NEDD4L: variants seen among roughly 807,000 people sequenced by gnomAD.
The protein encoded by NEDD4L is NEDD4 like E3 ubiquitin protein ligase.
Under a neutral mutation model 148.9 loss-of-function variants are expected in NEDD4L, and 54 were observed. The observed-to-expected ratio is 0.36, with a 90% confidence interval of 0.29 to 0.45. NEDD4L has a LOEUF of 0.45. NEDD4L is among the 20% of genes least tolerant of loss of function. NEDD4L has a pLI of 1.00. For synonymous variants in NEDD4L, 433 were observed against 440.7 expected, an observed-to-expected ratio of 0.98 and a Z score of 0.22; for missense variants, 856 against 1,233.8, an observed-to-expected ratio of 0.69 and a Z score of 4.59.
intron 5 of NEDD4L, among the ~76,000 whole-genome samples, chr18:58,267,615 A>T (rs917816487): frequency 1.3e-5 from 2 of 151,950 alleles, no homozygotes; most frequent in Non-Finnish European, 2.9e-5. Context: ...TCTCCCCCTT[A>T]GTACTTAGCC....
intron 5 of NEDD4L, among the ~76,000 whole-genome samples, chr18:58,313,838 C>T (rs992167086): frequency 2.0e-5 from 3 of 152,226 alleles, no homozygotes; most frequent in Non-Finnish European, 4.4e-5. Flanking sequence ...CAAAACAACA[C>T]GGGCATATAG....
At chr18:58,262,502 G>A (rs1434457339) in intron 5 of NEDD4L, among the ~76,000 whole-genome samples, 3 of 152,068 alleles carry the variant, frequency 2.0e-5, no homozygotes, top group Non-Finnish European at 4.4e-5. Context: ...GGTGGCCTCT[G>A]TCTGTAGTCC....
At chr18:58,067,585 G>A (rs2082665410) in intron 1 of NEDD4L, among the ~76,000 whole-genome samples, 1 of 152,176 alleles carries the variant, frequency 6.6e-6, no homozygotes. Flanking sequence ...ATGGAATTGG[G>A]TCTCAAAACT....
intron 6 of NEDD4L, among the ~76,000 whole-genome samples, chr18:58,318,184 A>G (rs903542440): frequency 3.3e-5 from 5 of 152,332 alleles, no homozygotes; most frequent in African/African-American, 1.2e-4. Flanking sequence ...TGTGTTCTTG[A>G]TTAGTATATG....
intron 5 of NEDD4L, among the ~76,000 whole-genome samples, chr18:58,283,100 G>C (rs1166374715): frequency 6.6e-6 from 1 of 151,740 alleles, no homozygotes; most frequent in East Asian, 1.9e-4. Context: ...TTTAGAGACT[G>C]TGTCTCGCTC....
At chr18:58,304,857 T>C in intron 5 of NEDD4L, among the ~76,000 whole-genome samples, 1 of 152,228 alleles carries the variant, frequency 6.6e-6, no homozygotes, top group South Asian at 2.1e-4. Context: ...TTGAGGTCCC[T>C]CCTAAAGATC....
intron 2 of NEDD4L, among the ~76,000 whole-genome samples, chr18:58,216,671 G>A (rs1184182815): frequency 2.6e-5 from 4 of 152,160 alleles, no homozygotes; most frequent in Admixed American, 6.5e-5. Flanking sequence ...GGACAGATGC[G>A]CTGGGGAGCA....
chr18:58,089,015 C>G (rs1384572547), intron 1 of NEDD4L, among the ~76,000 whole-genome samples: 2 of 152,070 alleles, frequency 1.3e-5, no homozygotes, highest in African/African-American at 4.8e-5. Context: ...AGCTTCCAAC[C>G]TGGTCGTAAG....
intron 1 of NEDD4L, chr18:58,045,367 G>C (rs1435780320): frequency 5.2e-6 from 2 of 385,418 alleles, no homozygotes; most frequent in South Asian, 2.9e-4. Flanking sequence ...TTGCAGCCCT[G>C]CCATTTTTTC....
intron 21 of NEDD4L, chr18:58,367,060 T>A (rs1467970515): frequency 2.0e-5 from 3 of 152,294 alleles, no homozygotes; most frequent in South Asian, 4.1e-4. Context: ...ATCCAACTAT[T>A]GAAGGTGGAG....
At chr18:58,164,410 G>T (rs920081402) in intron 1 of NEDD4L, among the ~76,000 whole-genome samples, 2 of 152,172 alleles carry the variant, frequency 1.3e-5, no homozygotes, top group Admixed American at 6.5e-5. Flanking sequence ...AAAAACTGTT[G>T]TACTTTAGAA....
intron 1 of NEDD4L, among the ~76,000 whole-genome samples, chr18:58,093,814 A>G (rs188158496): frequency 6.6e-6 from 1 of 152,350 alleles, no homozygotes; most frequent in East Asian, 1.9e-4. Flanking sequence ...GAAGAATGAT[A>G]TAGAACATCT....
intron 5 of NEDD4L, among the ~76,000 whole-genome samples, chr18:58,305,012 A>G (rs754669861): frequency 1.3e-5 from 2 of 152,166 alleles, no homozygotes; most frequent in Non-Finnish European, 2.9e-5. Context: ...TCCCAGCCCT[A>G]TCAGGCCAGA....
chr18:58,372,536 G>C (rs1208733142), intron 23 of NEDD4L: 1 of 151,908 alleles, frequency 6.6e-6, no homozygotes, highest in Non-Finnish European at 1.5e-5. Flanking sequence ...TCTAACTCCT[G>C]GGCTCAAGTG....
At chr18:58,351,958 G>A (rs1016726920) in intron 18 of NEDD4L, among the ~76,000 whole-genome samples, 1 of 152,192 alleles carries the variant, frequency 6.6e-6, no homozygotes, top group African/African-American at 2.4e-5. Context: ...TATCTCATAG[G>A]CATAGTACGT....
chr18:58,246,383 A>G (rs1016733797), intron 3 of NEDD4L, among the ~76,000 whole-genome samples: 16 of 152,198 alleles, frequency 1.1e-4, no homozygotes, highest in Non-Finnish European at 2.9e-5. Context: ...AAAGCTATAC[A>G]TGTATGTATA....
chr18:58,291,900 AT>A (rs1265074812), intron 5 of NEDD4L, among the ~76,000 whole-genome samples: 2 of 151,920 alleles, frequency 1.3e-5, no homozygotes, highest in Non-Finnish European at 2.9e-5. Context: ...CTTCCCAAAC[AT>A]TTATGCTCAT....
intron 2 of NEDD4L, among the ~76,000 whole-genome samples, chr18:58,231,237 C>CAAAAAAAAAAAAAAAAAAA (rs67220469): frequency 1.1e-5 from 1 of 90,184 alleles, no homozygotes; most frequent in African/African-American, 4.0e-5. Flanking sequence ...GACCCTATCT[C>CAAAAAAAAAAAAAAAAAAA]AAAAAAAAAA....
chr18:58,133,923 A>G (rs1193594805), intron 1 of NEDD4L, among the ~76,000 whole-genome samples: 1 of 152,236 alleles, frequency 6.6e-6, no homozygotes, highest in Non-Finnish European at 1.5e-5. Flanking sequence ...TCTAGGAGAT[A>G]GACGTTACTT....
Sources: allele counts gnomAD v4.1 joint callset (sites outside exome capture counted in the v4.1 genomes callset), GRCh38; gene constraint gnomAD v4.1.1; transcripts MANE v1.5; gene names NCBI Gene and HGNC (gene_info 2026-07-23, HGNC 2026-07-21).